The following BRD2 variants were observed in gnomAD, a reference collection of about 807,000 sequenced individuals.
BRD2 encodes bromodomain containing 2.
BRD2 carries 15 observed loss-of-function variants against 79.1 expected under a neutral mutation model. The ratio of observed to expected loss-of-function variants is 0.19; its 90% CI spans 0.13 to 0.29. The LOEUF is 0.29. Among genes scored for constraint, BRD2 ranks in the 10% least tolerant of loss-of-function variants. The pLI, the probability that BRD2 is intolerant of heterozygous loss-of-function variation, is 1.00. For missense variants in BRD2, 1,053 were observed against 991.3 expected (o/e 1.06, Z -0.84); for synonymous variants, 488 against 358.6 (o/e 1.36, Z -4.08).
rs1340936347 is a variant in BRD2, at chr6:32,980,215, A to G, written c.2146+83A>G. On this transcript the variant is annotated intron_variant, in intron 11 of 12. Transcript: ENST00000374825. ...GGGTCTGTTTGCATTCAGGATTGTC[A>G]GCTCCCAGGATAATGGGATGTGTTG... is the stretch of plus-strand genomic sequence containing the variant. 1.9e-6 allele frequency: 3 copies of G among 1,573,834 alleles called. No homozygotes were observed. The African/African-American group carries it at 4.1e-5, about 21-fold the overall frequency.
chr6:32,976,295 C>T lies in BRD2; in HGVS notation c.656C>T (p.Ser219Phe), dbSNP rs1778743009. The T allele has an allele frequency of 1.9e-6, 3 of 1,613,124 alleles. No individual in the cohort carries two copies. The highest frequency in any genetic ancestry group is 1.7e-5 in the Admixed American group (1 of 60,030). ...VTSAHQVPAV[S>F]SVSHTALYTP... ...AGTGCCCATCAGGTGCCTGCCGTCT[C>T]TTCTGTGTCACACACAGCCCTGTAT... The change falls in exon 6 of 13, where the codon TCT becomes TTT. Residue 219 changes from serine (S) to phenylalanine (F), a missense_variant. By Grantham distance (155) the Ser-to-Phe change is radical (BLOSUM62 -2). This residue lies in a region of BRD2 where 413 missense variants were observed against 335.1 expected (regional missense o/e 1.23). Transcript: ENST00000374825.
rs1310169339 is a variant in BRD2 at position 32,972,007 on chromosome 6, G to A, written c.-892G>A. On this transcript the variant is annotated 5_prime_UTR_variant, in exon 2 of 13. Coordinates refer to ENST00000374825, the MANE Select transcript of BRD2 (RefSeq NM_005104.4). The stretch of plus-strand genomic sequence containing the variant: ...TGGAAATGAAGTTTATGACGTCATC[G>A]TTGCGGCTGGCCAATAGAAAAAGCT... The A allele has an allele frequency of 2.8e-6, 2 of 702,386 alleles. No individual in the cohort carries two copies. Among genetic ancestry groups the A allele is most frequent in the Admixed American group, 2.0e-5 (1 of 49,988 alleles). The allele number at this position is 702,386 out of a possible 1,614,324, so 43.5% of individuals were successfully genotyped here.
At chr6:32,977,259 G>A (rs919640344) in intron 7 of BRD2, 183 bp from the exon 8 acceptor site, 2 of 1,545,678 alleles carry the variant, frequency 1.3e-6, no homozygotes, top group Non-Finnish European at 8.7e-7. Flanking sequence ...TCTTTTTCTA[G>A]ACATAAATAT....
rs1777674356 is a variant in BRD2 at position 32,968,793 on chromosome 6, T to A, written c.-1568T>A. The stretch of plus-strand genomic sequence containing the variant: ...CCCCCAGGAACGTTCGGAAAGCTGG[T>A]CCTCGTGGCTGGGGGAAAGGCGGGG... On this transcript the variant is annotated 5_prime_UTR_variant, in exon 1 of 13. Transcript: ENST00000374825. The A allele has an allele frequency of 7.0e-6, 1 of 142,802 alleles. No individual in the cohort carries two copies. Among genetic ancestry groups the A allele is most frequent in the Non-Finnish European group, 1.5e-5 (1 of 65,410 alleles). 8.8% of individuals were successfully genotyped at this position (142,802 alleles called of 1,614,324 possible). A position where few individuals can be genotyped will look rare whatever the true frequency, so the allele number is the denominator to read the frequency against.
rs1277596646 is a variant in BRD2, at chr6:32,973,199, CG to C, written c.29+274del. The C allele has an allele frequency of 1.3e-5, 19 of 1,510,094 alleles. No individual in the cohort carries two copies. The Admixed American group carries it at 3.8e-4, about 30-fold the overall frequency. 93.5% of individuals were successfully genotyped at this position (1,510,094 alleles called of 1,614,324 possible). A position where few individuals can be genotyped will look rare whatever the true frequency, so the allele number is the denominator to read the frequency against. On this transcript the variant is annotated intron_variant, in intron 2 of 12. Transcript: ENST00000374825. The stretch of plus-strand genomic sequence containing the variant: ...ACCGAGTCAGGCAGAGCTAGTTTGA[CG>C]GTGGAGTGGAGTGAGGTTGAACAGC...
chr6:32,974,025 T>C (rs1158942225), intron 2 of BRD2, among the ~76,000 whole-genome samples: 3 of 152,152 alleles, frequency 2.0e-5, no homozygotes, highest in Admixed American at 2.0e-4. Context: ...ATAGCCATAA[T>C]TTGTTCTTTT....
chr6:32,978,499 C>T (rs954335482), intron 10 of BRD2, 111 bp downstream of exon 10: 20 of 1,505,216 alleles, frequency 1.3e-5, no homozygotes, highest in African/African-American at 9.8e-5. Flanking sequence ...ATACAATAGG[C>T]TTTGAGCAGT....
rs909172270 is a variant in BRD2 at position 32,974,877 on chromosome 6, C to T, written c.333+112C>T. The T allele has an allele frequency of 7.5e-5, 106 of 1,421,618 alleles. 1 individual carries two copies. Among genetic ancestry groups the T allele is most frequent in the Middle Eastern group, 6.0e-4 (3 of 4,988 alleles). 88.1% of individuals were successfully genotyped at this position (1,421,618 alleles called of 1,614,324 possible). ...GCCCCTAGGGAGTTCCCATTTCTCC[C>T]CTGTAGGGCAGTTAGCTACCAGATT... On this transcript the variant is annotated intron_variant, in intron 3 of 12. Transcript: ENST00000374825.
chr6:32,974,934 G>A (rs573856627), intron 3 of BRD2, 169 bp downstream of exon 3: 28 of 1,405,370 alleles, frequency 2.0e-5, no homozygotes, highest in East Asian at 7.4e-5. Flanking sequence ...TGATTGATCC[G>A]ACCGCTTGCT....
In BRD2 at chr6:32,975,279, A is replaced by AG. The variant is rs750121705; in HGVS notation, c.334-98dup. 89 of 730,696 alleles carry AG rather than the reference A, an allele frequency of 1.2e-4. No individual in the cohort carries two copies. In the African/African-American group the frequency reaches 1.5e-3, roughly 13 times the overall value. The allele number at this position is 730,696 out of a possible 1,614,324, so 45.3% of individuals were successfully genotyped here. On this transcript the variant is annotated intron_variant, in intron 3 of 12. Coordinates refer to ENST00000374825, the MANE Select transcript of BRD2 (RefSeq NM_005104.4). Reference sequence around the variant, plus strand: ...TTAAGTAACTGTTCCTTTGATGCATAGGGGGGGTGTGTGTGTGTGTGTGTG... The same window carrying AG: ...TTAAGTAACTGTTCCTTTGATGCATAGGGGGGGGTGTGTGTGTGTGTGTGTG...
In BRD2 at chr6:32,976,834, T is replaced by C; in HGVS notation, c.1098T>C (p.Ala366=). Residue 366 remains alanine (A), a synonymous_variant, in exon 7 of 13, where the codon GCT becomes GCC. Transcript: ENST00000374825. ...ILKELLSKKH[A]AYAWPFYKPV... ...AGGAGTTACTCTCTAAGAAGCATGC[T>C]GCCTATGCTTGGCCTTTCTATAAAC... 1.2e-6 allele frequency: 2 copies of C among 1,613,180 alleles called. No individual in the cohort carries two copies. Among genetic ancestry groups the C allele is most frequent in the South Asian group, 1.1e-5 (1 of 91,088 alleles).
intron 1 of BRD2, 141 bp from the exon 2 acceptor site, chr6:32,971,454 T>C: frequency 2.5e-6 from 1 of 402,092 alleles, no homozygotes; most frequent in Non-Finnish European, 4.4e-6. Context: ...GAGTGGAGTA[T>C]TATAAGACTC....
Position 32,975,497 on chromosome 6 carries a change from C to T in BRD2, c.447C>T (p.Phe149=), listed in dbSNP as rs1403837209. The stretch of plus-strand genomic sequence containing the variant: ...GTATGCAAGATTTTAATACCATGTT[C>T]ACCAACTGTTACATTTACAACAAGG... ...SECMQDFNTM[F]TNCYIYNKPT... The change falls in exon 4 of 13, where the codon TTC becomes TTT. Residue 149 remains phenylalanine, a synonymous_variant. Coordinates refer to ENST00000374825, the MANE Select transcript of BRD2 (RefSeq NM_005104.4). 4 of 1,612,436 alleles carry T rather than the reference C, an allele frequency of 2.5e-6. No individual in the cohort carries two copies. The South Asian group carries it at 3.3e-5, about 13-fold the overall frequency.
chr6:32,979,526 G>A (rs2127525870), intron 10 of BRD2: 1 of 413,766 alleles, frequency 2.4e-6, no homozygotes, highest in East Asian at 3.9e-5. Context: ...ACAACCCTGT[G>A]TGGAGCAAGT....
At chr6:32,980,554 G>A (rs780165602) in intron 12 of BRD2, 28 bp from the exon 13 acceptor site, 15 of 1,612,808 alleles carry the variant, frequency 9.3e-6, no homozygotes, top group Middle Eastern at 1.6e-4. Context: ...AGACTTGAAC[G>A]TCTTTAACTT....
In BRD2 at chr6:32,976,995, A is replaced by G. The variant is rs547009614; in HGVS notation, c.1200+59A>G. The G allele has an allele frequency of 5.8e-5, 89 of 1,538,896 alleles. No homozygotes were observed. In the South Asian group the frequency reaches 8.3e-4, roughly 14 times the overall value. Reference sequence around the variant, plus strand: ...GCAGTGATGGGAGCCTAGGTGCAAAACAATAAGTCTCCTTATGTGGGCACA... The same window carrying G: ...GCAGTGATGGGAGCCTAGGTGCAAAGCAATAAGTCTCCTTATGTGGGCACA... On this transcript the variant is annotated intron_variant, in intron 7 of 12. Coordinates refer to ENST00000374825, the MANE Select transcript of BRD2 (RefSeq NM_005104.4).
intron 10 of BRD2, 190 bp downstream of exon 10, chr6:32,978,578 AGG>A (rs1241719602): frequency 5.4e-6 from 5 of 921,808 alleles, no homozygotes; most frequent in African/African-American, 1.7e-5. Flanking sequence ...ACAGGGTTTG[AGG>A]GGATGGTTTT....
chr6:32,975,206 T>TTTTA lies in BRD2; in HGVS notation c.334-162_334-159dup, dbSNP rs543014200. ...CCTCCCTGTGGATGTCAAGAATCTT[T>TTTTA]TTTATTTATTTATTTATTTTGTCCC... is the stretch of plus-strand genomic sequence containing the variant. On this transcript the variant is annotated intron_variant, in intron 3 of 12. Transcript: ENST00000374825. The TTTTA allele has an allele frequency of 1.7e-4, 217 of 1,265,172 alleles. 1 individual carries two copies. The African/African-American group carries it at 2.6e-3, about 15-fold the overall frequency. 78.4% of individuals were successfully genotyped at this position (1,265,172 alleles called of 1,614,324 possible).
At chr6:32,973,052 C>T (rs771746626) in intron 2 of BRD2, 125 bp downstream of exon 2, 11 of 1,603,350 alleles carry the variant, frequency 6.9e-6, no homozygotes, top group Admixed American at 1.7e-5. Flanking sequence ...GCTGTCGACT[C>T]GGTCGCGCGG....
Sources: allele counts gnomAD v4.1 joint callset (sites outside exome capture counted in the v4.1 genomes callset), GRCh38; gene constraint gnomAD v4.1.1; regional missense constraint gnomAD v4.1.1; transcripts MANE v1.5; gene names NCBI Gene and HGNC (gene_info 2026-07-23, HGNC 2026-07-21).